CIT: variants seen among roughly 807,000 people sequenced by gnomAD.
CIT encodes the protein citron Rho-interacting kinase.
Under a neutral mutation model 272.7 loss-of-function variants are expected in CIT, and 79 were observed. That is an observed-to-expected ratio of 0.29 (90% CI 0.24 to 0.35). The LOEUF (loss-of-function observed/expected upper bound fraction) is 0.35, where lower values mean the gene tolerates loss of function less well. Ranked by LOEUF, CIT falls within the 10% of genes least tolerant of loss-of-function variation. CIT has a pLI of 1.00. For missense variants in CIT, 1,909 were observed against 2,618.3 expected (o/e 0.73, Z 5.91); for synonymous variants, 948 against 995.6 (o/e 0.95, Z 0.90).
chr12:119,730,704 C>G (rs1050166769), intron 26 of CIT, 74 bp from the exon 27 acceptor site: 149 of 1,517,754 alleles, frequency 9.8e-5, no homozygotes, highest in Non-Finnish European at 1.3e-4. Flanking sequence ...TGGTCCGTCT[C>G]TAATCCTGAC....
chr12:119,796,067 C>T (rs59310338), intron 10 of CIT, among the ~76,000 whole-genome samples: 3,616 of 152,312 alleles, frequency 0.024, 136 homozygotes, highest in African/African-American at 0.083. Context: ...GAGCCTTGAA[C>T]AGCTTGGCCA....
At chr12:119,865,540 A>G (rs1950488918) in intron 3 of CIT, among the ~76,000 whole-genome samples, 1 of 152,234 alleles carries the variant, frequency 6.6e-6, no homozygotes, top group Non-Finnish European at 1.5e-5. Flanking sequence ...TGGTCTGTGC[A>G]TTAACTCATT....
chr12:119,820,465 A>C (rs1435775998), intron 9 of CIT, among the ~76,000 whole-genome samples: 1 of 152,018 alleles, frequency 6.6e-6, no homozygotes, highest in African/African-American at 2.4e-5. Context: ...CAGAAGAATC[A>C]CTTGAACCCA....
rs768289260 is a variant in CIT at position 119,832,778 on chromosome 12, T to C, written c.746A>G (p.Asn249Ser). 1 of 1,612,624 alleles carries C rather than the reference T, an allele frequency of 6.2e-7. No individual in the cohort carries two copies. Among genetic ancestry groups the C allele is most frequent in the African/African-American group, 1.3e-5 (1 of 74,916 alleles). ...TCTTATTCCATTTTTTACCATCTTG[T>C]TTGAATTCATTTTCGCGGCAGATCC... is the stretch of plus-strand genomic sequence containing the variant. Reference protein sequence around the residue: ...DFGSAAKMNSNKMVNAKLPIG... With the variant: ...DFGSAAKMNSSKMVNAKLPIG... The change falls in exon 7 of 48, where the codon AAC becomes AGC. Residue 249 changes from asparagine to serine, a missense_variant. Transcript: ENST00000392521.
chr12:119,831,726 G>A (rs1968649077), intron 7 of CIT, among the ~76,000 whole-genome samples: 1 of 152,110 alleles, frequency 6.6e-6, no homozygotes, highest in Non-Finnish European at 1.5e-5. Flanking sequence ...AAAATTAGCT[G>A]GGCATGGTGG....
chr12:119,784,149 T>A lies in CIT; in HGVS notation c.1402-98A>T. 3 of 1,611,918 alleles carry A rather than the reference T, an allele frequency of 1.9e-6. No homozygotes were observed. The highest frequency in any genetic ancestry group is 2.5e-6 in the Non-Finnish European group (3 of 1,178,848). ...TCCGAAACCACCTGGTGGTCTGGGC[T>A]AAGGCTAATTCGCCAAAAGTTAAGT... On this transcript the variant is annotated intron_variant, in intron 11 of 47. Coordinates refer to ENST00000392521, the MANE Select transcript of CIT (RefSeq NM_001206999.2). The surrounding 1 kb of genome is among the most constrained non-coding windows in gnomAD (Gnocchi z 4.7).
intron 19 of CIT, among the ~76,000 whole-genome samples, chr12:119,761,328 A>G (rs1251198020): frequency 2.6e-5 from 4 of 152,318 alleles, no homozygotes; most frequent in South Asian, 2.1e-4. Context: ...GACCAGAGAG[A>G]TATATTCAAA....
chr12:119,773,556 C>A (rs1963415084), intron 16 of CIT, among the ~76,000 whole-genome samples: 1 of 152,124 alleles, frequency 6.6e-6, no homozygotes, highest in Non-Finnish European at 1.5e-5. Context: ...GCCTCAGCCT[C>A]CCGAGTAGCT....
At chr12:119,761,197 A>G (rs976029856) in intron 19 of CIT, 142 bp from the exon 20 acceptor site, 1 of 710,960 alleles carries the variant, frequency 1.4e-6, no homozygotes, top group African/African-American at 1.8e-5. Context: ...GGCAAAGAGA[A>G]GGCAAAAACT....
At position 119,712,119 on chromosome 12, in the gene CIT, C is replaced by A; in HGVS notation, c.4854+59G>T. 6.7e-7 allele frequency: 1 copy of A among 1,493,606 alleles called. No individual in the cohort carries two copies. Among genetic ancestry groups the A allele is most frequent in the South Asian group, 1.3e-5 (1 of 75,424 alleles). The allele number at this position is 1,493,606 out of a possible 1,614,324, so 92.5% of individuals were successfully genotyped here. A position where few individuals can be genotyped will look rare whatever the true frequency, so the allele number is the denominator to read the frequency against. On this transcript the variant is annotated intron_variant, in intron 37 of 47. Transcript: ENST00000392521. The surrounding 1 kb of genome is among the most constrained non-coding windows in gnomAD (Gnocchi z 5.2). ...CCAATGGGATTCTCGTCGTTAACACCAGTTACCAAGTCAGCCCCCTTTACA... is the reference window on the plus strand; with the variant it reads ...CCAATGGGATTCTCGTCGTTAACACAAGTTACCAAGTCAGCCCCCTTTACA...
chr12:119,822,060 A>G (rs1967768321), intron 9 of CIT, among the ~76,000 whole-genome samples: 1 of 152,208 alleles, frequency 6.6e-6, no homozygotes, highest in South Asian at 2.1e-4. Context: ...ACCTCCCTCC[A>G]TCACCAAAAA....
intron 32 of CIT, 148 bp from the exon 33 acceptor site, chr12:119,714,482 C>T (rs1175357907): frequency 1.3e-6 from 1 of 798,796 alleles, no homozygotes; most frequent in African/African-American, 1.7e-5. Context: ...AGAACTCTTA[C>T]AACTCAATAA....
rs199571119 is a variant in CIT at position 119,686,134 on chromosome 12, CTTT to C, written c.*2095_*2097del. On this transcript the variant is annotated 3_prime_UTR_variant, in exon 48 of 48. Coordinates refer to ENST00000392521, the MANE Select transcript of CIT (RefSeq NM_001206999.2). ...AAAGTAGAAACCAATTCAATTTCCTCTTTTTTTTTTTACGAATATAAAGTTTCT... is the reference window on the plus strand; with the variant it reads ...AAAGTAGAAACCAATTCAATTTCCTCTTTTTTTTACGAATATAAAGTTTCT... The C allele has an allele frequency of 1.4e-5, 2 of 146,524 alleles. No homozygotes were observed. Among genetic ancestry groups the C allele is most frequent in the African/African-American group, 5.0e-5 (2 of 40,010 alleles). The allele number at this position is 146,524 out of a possible 1,614,324, so 9.1% of individuals were successfully genotyped here. A position where few individuals can be genotyped will look rare whatever the true frequency, so the allele number is the denominator to read the frequency against.
In CIT at chr12:119,866,871, T is replaced by C. The variant is rs547753211; in HGVS notation, c.238+2189A>G. On this transcript the variant is annotated intron_variant, in intron 3 of 47. Transcript: ENST00000392521. The stretch of plus-strand genomic sequence containing the variant: ...ATGATGTGAAAGCAGCCATAGGCAC[T>C]GTACAAACACATGGGTAGGGCTGTG... Among the ~76,000 whole-genome samples the C allele has an allele frequency of 3.9e-5, 6 of 152,348 alleles. No homozygotes were observed. The East Asian group carries it at 1.2e-3, about 29-fold the overall frequency.
In CIT at chr12:119,690,245, C is replaced by T. The variant is rs771458086; in HGVS notation, c.6092G>A (p.Arg2031Gln). The T allele has an allele frequency of 1.3e-6, 2 of 1,563,918 alleles. No individual in the cohort carries two copies. The highest frequency in any genetic ancestry group is 1.2e-5 in the South Asian group (1 of 86,104). Residue 2031 changes from arginine (R) to glutamine (Q), a missense_variant, in exon 47 of 48, where the codon CGG becomes CAG. Physicochemically the swap from Arg to Gln is conservative, Grantham distance 43 (BLOSUM62 1). Coordinates refer to ENST00000392521, the MANE Select transcript of CIT (RefSeq NM_001206999.2). This position sits in a 1 kb window ranked among gnomAD's most constrained non-coding sequence, Gnocchi z 6.0. The stretch of plus-strand genomic sequence containing the variant: ...CAGCCTCCCGGGGGACCGCTCTCTC[C>T]GCGTGCTGAGCATCCGGCCGGGGGA... ...EKSPGRMLST[R>Q]RERSPGRLFE...
At chr12:119,787,137 G>GT (rs1371430716) in intron 10 of CIT, among the ~76,000 whole-genome samples, 4 of 151,826 alleles carry the variant, frequency 2.6e-5, no homozygotes, top group African/African-American at 9.7e-5. Flanking sequence ...GCTGATTTTT[G>GT]TATTTTTTGT....
chr12:119,736,453 G>A (rs938986770), intron 24 of CIT, among the ~76,000 whole-genome samples: 1 of 152,162 alleles, frequency 6.6e-6, no homozygotes, highest in African/African-American at 2.4e-5. Context: ...GTCCACAAAT[G>A]TACTCAGAGG....
intron 7 of CIT, among the ~76,000 whole-genome samples, chr12:119,829,344 A>AAGAAAAGAAGAGAAGAGAAGAGAAG (rs1968425755): frequency 7.5e-6 from 1 of 133,344 alleles, no homozygotes; most frequent in African/African-American, 3.1e-5. Context: ...CTTGAAAGAA[A>AAGAAAAGAAGAGAAGAGAAGAGAAG]AGAAGAGAAG....
chr12:119,713,487 C>T lies in CIT; in HGVS notation c.4468G>A (p.Gly1490Arg), dbSNP rs371580262. 3 of 1,614,208 alleles carry T rather than the reference C, an allele frequency of 1.9e-6. No homozygotes were observed. Among genetic ancestry groups the T allele is most frequent in the South Asian group, 2.2e-5 (2 of 91,080 alleles). The change falls in exon 34 of 48, where the codon GGG becomes AGG. Residue 1490 changes from glycine (G) to arginine (R), a missense_variant. Coordinates refer to ENST00000392521, the MANE Select transcript of CIT (RefSeq NM_001206999.2). The surrounding 1 kb of genome is among the most constrained non-coding windows in gnomAD (Gnocchi z 5.2). ...TGGTACCTGGGCACCTTCATCCACC[C>T]TTCCAGGTGCAAGCTGCTGCTGGGC... ...KEPSSSLHLE[G>R]WMKVPRNNKR...
Sources: gnomAD v4.1 joint callset for allele counts (sites outside exome capture counted in the v4.1 genomes callset) on GRCh38, gnomAD v4.1.1 for gene constraint, Gnocchi (gnomAD v3.1) non-coding constraint, MANE v1.5 for transcripts, NCBI Gene and HGNC (gene_info 2026-07-23, HGNC 2026-07-21) for gene names.